The following RARB variants were observed in gnomAD, a reference collection of about 807,000 sequenced individuals.
The protein encoded by RARB is HBV-activated protein.
In RARB, 17 loss-of-function variants were observed where a neutral mutation model predicts 51.9. That is an observed-to-expected ratio of 0.33 (90% CI 0.22 to 0.49). The LOEUF (loss-of-function observed/expected upper bound fraction) is 0.49, where lower values mean the gene tolerates loss of function less well. RARB is among the 20% of genes least tolerant of loss of function. RARB has a pLI of 0.99. For missense variants in RARB, 369 were observed against 550.8 expected, an observed-to-expected ratio of 0.67 and a Z score of 3.30; for synonymous variants, 215 against 195.4, an observed-to-expected ratio of 1.10 and a Z score of -0.84.
chr3:25,505,679 A>C (rs1038044684), intron 3 of RARB, among the ~76,000 whole-genome samples: 1 of 151,908 alleles, frequency 6.6e-6, no homozygotes, highest in Admixed American at 6.6e-5. Context: ...TGAAAAAAAA[A>C]CTCGATTTTT....
At chr3:25,337,727 G>A (rs567463933) in intron 5 of RARB, among the ~76,000 whole-genome samples, 1 of 152,064 alleles carries the variant, frequency 6.6e-6, no homozygotes, top group South Asian at 2.1e-4. Flanking sequence ...CCTTTACCCT[G>A]CTTTATTTTT....
At chr3:25,562,035 C>T (rs1235938763) in intron 3 of RARB, among the ~76,000 whole-genome samples, 1 of 149,186 alleles carries the variant, frequency 6.7e-6, no homozygotes, top group Non-Finnish European at 1.5e-5. Flanking sequence ...CTTTTTTACC[C>T]TAGATATATG....
At chr3:25,470,814 C>T (rs1004030055) in intron 2 of RARB, among the ~76,000 whole-genome samples, 2 of 151,212 alleles carry the variant, frequency 1.3e-5, no homozygotes, top group Admixed American at 6.7e-5. Context: ...GAAATTAAGT[C>T]ATTATTACCA....
chr3:25,005,779 C>T (rs1697258467), intron 2 of RARB, among the ~76,000 whole-genome samples: 1 of 152,086 alleles, frequency 6.6e-6, no homozygotes, highest in Admixed American at 6.5e-5. Flanking sequence ...TTGTCCCCAC[C>T]CAGCCATCAG....
chr3:25,368,034 A>G (rs147484564), intron 5 of RARB, among the ~76,000 whole-genome samples: 272 of 152,298 alleles, frequency 1.8e-3, no homozygotes, highest in African/African-American at 6.2e-3. Flanking sequence ...GTTTTTTACA[A>G]ACAAAAATTT....
chr3:25,525,151 A>G (rs954802809), intron 3 of RARB, among the ~76,000 whole-genome samples: 22 of 152,208 alleles, frequency 1.4e-4, no homozygotes, highest in Non-Finnish European at 2.2e-4. Flanking sequence ...AAGCTCTTCA[A>G]AAGTCCATAT....
chr3:25,174,467 C>T, exon 5 of RARB: 2 of 1,352,152 alleles, frequency 1.5e-6, no homozygotes, highest in Non-Finnish European at 2.0e-6. Context: ...TCCAGCCACA[C>T]CCTACCCGTT....
intron 2 of RARB, among the ~76,000 whole-genome samples, chr3:24,976,833 C>T (rs944935752): frequency 6.6e-6 from 1 of 152,136 alleles, no homozygotes; most frequent in Non-Finnish European, 1.5e-5. Context: ...GAAGTCCTTG[C>T]CCATGCCTAT....
chr3:25,544,934 G>A (rs1699555286), intron 3 of RARB, among the ~76,000 whole-genome samples: 2 of 151,538 alleles, frequency 1.3e-5, no homozygotes, highest in Admixed American at 1.3e-4. Context: ...ATTTTATTCT[G>A]TTGTCTGTAC....
chr3:24,967,499 A>G (rs1488649034), intron 2 of RARB, among the ~76,000 whole-genome samples: 1 of 152,142 alleles, frequency 6.6e-6, no homozygotes, highest in Non-Finnish European at 1.5e-5. Context: ...CTCTGACAGT[A>G]CCAAGTGTAG....
intron 3 of RARB, among the ~76,000 whole-genome samples, chr3:25,068,995 G>A (rs1698718188): frequency 6.6e-6 from 1 of 150,582 alleles, no homozygotes; most frequent in African/African-American, 2.5e-5. Context: ...TCAGGGCAGG[G>A]AGACTAAATC....
At chr3:25,555,063 T>A (rs917225130) in intron 3 of RARB, among the ~76,000 whole-genome samples, 4 of 152,234 alleles carry the variant, frequency 2.6e-5, no homozygotes, top group Admixed American at 1.3e-4. Context: ...AGTTTCAACA[T>A]GAGTTTTAGA....
chr3:25,168,306 C>T lies in RARB; in HGVS notation c.-279-5813C>T, dbSNP rs145570793. 3.6e-3 allele frequency among the ~76,000 whole-genome samples: 551 copies of T among 152,112 alleles called. 3 individuals carry two copies. The highest frequency in any genetic ancestry group is 0.012 in the African/African-American group (513 of 41,486). ...CACAATTTTGGCTCGCTGCAACCTC[C>T]GCCCCCCAGGTTCAAGCAATTGATT... On this transcript the variant is annotated intron_variant, in intron 4 of 11. Transcript: ENST00000383772.
intron 4 of RARB, among the ~76,000 whole-genome samples, chr3:25,154,873 G>A (rs1700349248): frequency 6.6e-6 from 1 of 152,186 alleles, no homozygotes; most frequent in Non-Finnish European, 1.5e-5. Flanking sequence ...CAACCCTAAA[G>A]GCTTGTCTTT....
At chr3:25,198,802 A>G (rs1405258212) in intron 5 of RARB, among the ~76,000 whole-genome samples, 3 of 152,110 alleles carry the variant, frequency 2.0e-5, no homozygotes, top group Non-Finnish European at 4.4e-5. Context: ...AATGCTGGTG[A>G]GGATGTGGAG....
At chr3:25,161,543 CT>C (rs1700473231) in intron 4 of RARB, among the ~76,000 whole-genome samples, 1 of 152,110 alleles carries the variant, frequency 6.6e-6, no homozygotes, top group African/African-American at 2.4e-5. Flanking sequence ...GATACTTCTG[CT>C]TCTCCATACT....
At chr3:25,336,131 T>A (rs1029130950) in intron 5 of RARB, among the ~76,000 whole-genome samples, 4 of 150,302 alleles carry the variant, frequency 2.7e-5, no homozygotes, top group African/African-American at 9.7e-5. Flanking sequence ...AATAAAATTA[T>A]GTATTCCATA....
intron 2 of RARB, among the ~76,000 whole-genome samples, chr3:25,053,451 T>C (rs934885328): frequency 1.3e-5 from 2 of 152,158 alleles, no homozygotes; most frequent in African/African-American, 4.8e-5. Context: ...TAGATGTTTA[T>C]TGAGTTGAAA....
chr3:25,039,577 G>C (rs1010261489), intron 2 of RARB, among the ~76,000 whole-genome samples: 2 of 152,326 alleles, frequency 1.3e-5, no homozygotes, highest in Non-Finnish European at 2.9e-5. Flanking sequence ...CGATCACACT[G>C]TGGATTATGT....
Sources: allele counts gnomAD v4.1 joint callset (sites outside exome capture counted in the v4.1 genomes callset), GRCh38; gene constraint gnomAD v4.1.1; transcripts MANE v1.5; gene names NCBI Gene and HGNC (gene_info 2026-07-23, HGNC 2026-07-21).